The following ATE1 variants were observed in gnomAD, a reference collection of about 807,000 sequenced individuals.
ATE1 encodes arginyl-tRNA--protein transferase 1.
A neutral mutation model predicts 70.5 loss-of-function variants in ATE1; 36 were observed. The observed-to-expected ratio is 0.51, with a 90% CI of 0.39 to 0.67. The LOEUF is 0.67. Ranked by LOEUF, ATE1 falls within the 30% of genes least tolerant of loss-of-function variation. The pLI is 0.00. For missense variants in ATE1, 593 were observed against 629.5 expected (o/e 0.94, Z 0.62); for synonymous variants, 232 against 219.3 (o/e 1.06, Z -0.51).
At chr10:121,900,201 C>A (rs1950926815) in intron 6 of ATE1, among the ~76,000 whole-genome samples, 1 of 152,108 alleles carries the variant, frequency 6.6e-6, no homozygotes, top group African/African-American at 2.4e-5. Flanking sequence ...AGAGGACGAT[C>A]CCCTCTAAAC....
At chr10:121,898,958 T>TA in intron 7 of ATE1, 2 of 1,613,508 alleles carry the variant, frequency 1.2e-6, no homozygotes, top group Non-Finnish European at 1.7e-6. Context: ...AGGAGACAGG[T>TA]ACTAACCTCA....
chr10:121,786,681 G>T (rs1233988039), intron 11 of ATE1, among the ~76,000 whole-genome samples: 1 of 152,076 alleles, frequency 6.6e-6, no homozygotes. Flanking sequence ...GCATCACAGG[G>T]TAGCAGCATT....
intron 1 of ATE1, 62 bp downstream of exon 1, chr10:121,927,782 G>T (rs1293053960): frequency 1.3e-6 from 2 of 1,504,412 alleles, no homozygotes; most frequent in Admixed American, 4.2e-5. Flanking sequence ...CTCGCTGGGG[G>T]ACCCTGGGAT....
chr10:121,807,407 G>A (rs1947138788), intron 10 of ATE1, among the ~76,000 whole-genome samples: 1 of 139,484 alleles, frequency 7.2e-6, no homozygotes. Flanking sequence ...ACTTCATAGA[G>A]TATAAGTTTC....
intron 5 of ATE1, among the ~76,000 whole-genome samples, chr10:121,909,203 G>A (rs1295164377): frequency 3.9e-5 from 6 of 152,088 alleles, no homozygotes; most frequent in African/African-American, 1.4e-4. Context: ...TGTTCAGGCT[G>A]GTCTCAAACT....
intron 11 of ATE1, among the ~76,000 whole-genome samples, chr10:121,787,743 T>C (rs1260471723): frequency 6.6e-6 from 1 of 152,244 alleles, no homozygotes; most frequent in African/African-American, 2.4e-5. Flanking sequence ...AAAATGGTCA[T>C]TATGAGACTT....
intron 11 of ATE1, among the ~76,000 whole-genome samples, chr10:121,785,523 T>G (rs1005469087): frequency 2.0e-5 from 3 of 152,026 alleles, no homozygotes; most frequent in African/African-American, 7.2e-5. Flanking sequence ...TCTGTGGGCA[T>G]ATGCTAGAGA....
intron 8 of ATE1, among the ~76,000 whole-genome samples, chr10:121,842,615 G>T (rs1011172055): frequency 1.3e-5 from 2 of 151,994 alleles, no homozygotes; most frequent in African/African-American, 2.4e-5. Context: ...TATATAAAAA[G>T]AATTATACCA....
At chr10:121,826,256 A>G (rs1432624236) in intron 10 of ATE1, among the ~76,000 whole-genome samples, 2 of 11,064 alleles carry the variant, frequency 1.8e-4, no homozygotes, top group South Asian at 4.4e-3. Flanking sequence ...TGAGCACTTA[A>G]AAGTGTTTAA....
intron 11 of ATE1, among the ~76,000 whole-genome samples, chr10:121,745,423 T>C (rs1457188453): frequency 2.0e-5 from 3 of 152,016 alleles, no homozygotes; most frequent in Non-Finnish European, 4.4e-5. Context: ...TTAAAGTGGG[T>C]TAAGAACCAC....
intron 11 of ATE1, among the ~76,000 whole-genome samples, chr10:121,779,531 G>T (rs1449725805): frequency 6.6e-6 from 1 of 152,164 alleles, no homozygotes; most frequent in Non-Finnish European, 1.5e-5. Flanking sequence ...GACAGGAAGG[G>T]TCTTTCTCTC....
chr10:121,898,334 A>G (rs1950855182), intron 7 of ATE1, among the ~76,000 whole-genome samples: 1 of 152,232 alleles, frequency 6.6e-6, no homozygotes, highest in Non-Finnish European at 1.5e-5. Flanking sequence ...TTATTATAAA[A>G]TAGGCTTTGT....
chr10:121,867,292 C>A (rs183205881), intron 8 of ATE1, among the ~76,000 whole-genome samples: 2 of 152,282 alleles, frequency 1.3e-5, no homozygotes, highest in Admixed American at 1.3e-4. Flanking sequence ...TCTTTGCCAT[C>A]GGTGAGTAGT....
chr10:121,786,856 A>ATATATATGTG (rs1200018899), intron 11 of ATE1, among the ~76,000 whole-genome samples: 1 of 152,206 alleles, frequency 6.6e-6, no homozygotes, highest in Non-Finnish European at 1.5e-5. Context: ...ATATGTGTAT[A>ATATATATGTG]TATATATGTG....
At chr10:121,837,569 TTA>T (rs1948474661) in intron 9 of ATE1, among the ~76,000 whole-genome samples, 1 of 152,194 alleles carries the variant, frequency 6.6e-6, no homozygotes. Context: ...AGTTTTGTTT[TTA>T]TGTTTGTTTC....
At chr10:121,815,223 C>T (rs1032405696) in intron 10 of ATE1, among the ~76,000 whole-genome samples, 1 of 152,206 alleles carries the variant, frequency 6.6e-6, no homozygotes, top group African/African-American at 2.4e-5. Flanking sequence ...GCGAGCTCCG[C>T]CTCCCGGGTT....
chr10:121,920,602 T>C (rs1303798074), intron 3 of ATE1, among the ~76,000 whole-genome samples: 2 of 151,218 alleles, frequency 1.3e-5, no homozygotes, highest in African/African-American at 2.4e-5. Context: ...TATGTTAGGG[T>C]GAGGTGAGAA....
intron 11 of ATE1, among the ~76,000 whole-genome samples, chr10:121,750,399 T>G (rs1201356302): frequency 6.6e-6 from 1 of 152,210 alleles, no homozygotes; most frequent in Non-Finnish European, 1.5e-5. Flanking sequence ...CAATCTAATT[T>G]CATACAATAA....
At chr10:121,900,930 CAAAA>C (rs1161513874) in intron 6 of ATE1, among the ~76,000 whole-genome samples, 1 of 151,896 alleles carries the variant, frequency 6.6e-6, no homozygotes, top group African/African-American at 2.4e-5. Context: ...TTTGGAAGGA[CAAAA>C]AAATCTGTAT....
Sources: gnomAD v4.1 joint callset for allele counts (sites outside exome capture counted in the v4.1 genomes callset) on GRCh38, gnomAD v4.1.1 for gene constraint, MANE v1.5 for transcripts, NCBI Gene and HGNC (gene_info 2026-07-23, HGNC 2026-07-21) for gene names.